RTN2: variants seen among roughly 807,000 people sequenced by gnomAD.
RTN2 encodes reticulon-2.
Under a neutral mutation model 63.7 loss-of-function variants are expected in RTN2, and 36 were observed. That is an observed-to-expected ratio of 0.56 (90% confidence interval 0.43 to 0.75). The LOEUF (loss-of-function observed/expected upper bound fraction) is 0.75, where lower values mean the gene tolerates loss of function less well. Among genes scored for constraint, RTN2 ranks in the 30% least tolerant of loss-of-function variants. The pLI, the probability that RTN2 is intolerant of heterozygous loss-of-function variation, is 0.00. For synonymous variants in RTN2, 312 were observed against 313.0 expected (o/e 1.00, Z 0.03); for missense variants, 673 against 705.1 (o/e 0.95, Z 0.52).
intron 6 of RTN2, 96 bp from the exon 7 acceptor site, chr19:45,489,082 G>T: frequency 1.4e-6 from 2 of 1,388,034 alleles, no homozygotes; most frequent in Non-Finnish European, 9.9e-7. Context: ...GCGGTTGGGA[G>T]AAGACCAGAG....
In RTN2 at chr19:45,497,047, C is replaced by T. The variant is rs1968289657; in HGVS notation, c.-222G>A. 3 of 196,788 alleles carry T rather than the reference C, an allele frequency of 1.5e-5. No homozygotes were observed. The highest frequency in any genetic ancestry group is 1.6e-4 in the South Asian group (1 of 6,098). 12.2% of individuals were successfully genotyped at this position (196,788 alleles called of 1,614,324 possible). The stretch of plus-strand genomic sequence containing the variant: ...CGGGGCCGAGGTGGGGAAGGCACTG[C>T]AGCGCGCGGCCGGGGGCGGGGCCAG... On this transcript the variant is annotated 5_prime_UTR_variant, in exon 1 of 11. Coordinates refer to ENST00000245923, the MANE Select transcript of RTN2 (RefSeq NM_005619.5).
chr19:45,494,288 G>A lies in RTN2; in HGVS notation c.692C>T (p.Pro231Leu). ...TTCCTCTTCCAGCAATGGCTCTTCG[G>A]GCCCAGAGTTCGAATCTCGCGATCG... Reference protein sequence around the residue: ...PSRSRDSNSGPEEPLLEEEEK... With the variant: ...PSRSRDSNSGLEEPLLEEEEK... The change falls in exon 4 of 11, where the codon CCC becomes CTC. Residue 231 changes from proline (P) to leucine (L), a missense_variant. Coordinates refer to ENST00000245923, the MANE Select transcript of RTN2 (RefSeq NM_005619.5). The surrounding 1 kb of genome is among the most constrained non-coding windows in gnomAD (Gnocchi z 5.3). The A allele has an allele frequency of 6.2e-7, 1 of 1,613,986 alleles. No homozygotes were observed. The highest frequency in any genetic ancestry group is 8.5e-7 in the Non-Finnish European group (1 of 1,180,026).
At chr19:45,486,990 C>A (rs1246414416) in intron 9 of RTN2, among the ~76,000 whole-genome samples, 1 of 146,078 alleles carries the variant, frequency 6.8e-6, no homozygotes, top group Non-Finnish European at 1.5e-5. Flanking sequence ...CTGCCTCAGC[C>A]TCCCAAAGCT....
chr19:45,487,381 T>A (rs756446885), intron 9 of RTN2, among the ~76,000 whole-genome samples: 1 of 151,860 alleles, frequency 6.6e-6, no homozygotes, highest in Non-Finnish European at 1.5e-5. Flanking sequence ...TCTTGGTGAT[T>A]CCAGCCTGTG....
In RTN2 at chr19:45,493,337, C is replaced by A; in HGVS notation, c.856G>T (p.Val286Phe). The A allele has an allele frequency of 6.2e-7, 1 of 1,610,082 alleles. No homozygotes were observed. Residue 286 changes from valine (V) to phenylalanine (F), a missense_variant, in exon 5 of 11, where the codon GTT becomes TTT. Val to Phe is a conservative substitution (Grantham distance 50). Transcript: ENST00000245923. ...TCCAAAATTGGAACCGTCTTGTAAA[C>A]AGCCAAAAGCAATGATGTCTTTAAC... ...EWLKTSLLLA[V>F]YKTVPILELS...
chr19:45,487,583 GT>G (rs4031036), intron 9 of RTN2, among the ~76,000 whole-genome samples: 1,292 of 105,716 alleles, frequency 0.012, 5 homozygotes, highest in Non-Finnish European at 0.017. Flanking sequence ...TTATTTTTTG[GT>G]TTTTTTTTTT....
In RTN2 at chr19:45,494,497, C is replaced by A; in HGVS notation, c.559+29G>T. The A allele has an allele frequency of 6.2e-7, 1 of 1,607,942 alleles. No homozygotes were observed. The highest frequency in any genetic ancestry group is 8.5e-7 in the Non-Finnish European group (1 of 1,176,046). On this transcript the variant is annotated intron_variant, in intron 3 of 10. Transcript: ENST00000245923. The surrounding 1 kb of genome is among the most constrained non-coding windows in gnomAD (Gnocchi z 5.3). ...AGGAGAAACCACCCACCCCTCTTGG[C>A]TTTGGTCCCAGCACCTCGGACATCT...
At position 45,488,467 on chromosome 19, in the gene RTN2, T is replaced by C. The variant is rs1443447541; in HGVS notation, c.1497+4A>G. 1 of 1,613,420 alleles carries C rather than the reference T, an allele frequency of 6.2e-7. No individual in the cohort carries two copies. The highest frequency in any genetic ancestry group is 1.1e-5 in the South Asian group (1 of 90,928). ...GTGCTGACAACTGAGGGTGTCACACTCACCTGGTGCTGCCGGTACAGCAGG... is the reference window on the plus strand; with the variant it reads ...GTGCTGACAACTGAGGGTGTCACACCCACCTGGTGCTGCCGGTACAGCAGG... On this transcript the variant is annotated splice_donor_region_variant and intron_variant, in intron 9 of 10. Transcript: ENST00000245923.
Position 45,493,982 on chromosome 19 carries a change from G to C in RTN2, c.814+184C>G. ...TGGGATTACAGGCATGAGCCACCGC[G>C]CCCGGCCGGGGAAATTTTTTTAAAA... On this transcript the variant is annotated intron_variant, in intron 4 of 10. Coordinates refer to ENST00000245923, the MANE Select transcript of RTN2 (RefSeq NM_005619.5). 3 of 952,118 alleles carry C rather than the reference G, an allele frequency of 3.2e-6. 1 individual carries two copies. The highest frequency in any genetic ancestry group is 4.7e-6 in the Non-Finnish European group (3 of 642,624). 59.0% of individuals were successfully genotyped at this position (952,118 alleles called of 1,614,324 possible). A position where few individuals can be genotyped will look rare whatever the true frequency, so the allele number is the denominator to read the frequency against.
In RTN2 at chr19:45,497,027, C is replaced by T; in HGVS notation, c.-202G>A. On this transcript the variant is annotated 5_prime_UTR_variant, in exon 1 of 11. Coordinates refer to ENST00000245923, the MANE Select transcript of RTN2 (RefSeq NM_005619.5). ...CTCGGCTCGGCGGGGGCGGGCGGGG[C>T]CGAGGTGGGGAAGGCACTGCAGCGC... The T allele has an allele frequency of 4.3e-6, 1 of 233,898 alleles. No homozygotes were observed. The highest frequency in any genetic ancestry group is 8.0e-6 in the Non-Finnish European group (1 of 125,600). 14.5% of individuals were successfully genotyped at this position (233,898 alleles called of 1,614,324 possible). A position where few individuals can be genotyped will look rare whatever the true frequency, so the allele number is the denominator to read the frequency against.
intron 4 of RTN2, chr19:45,493,832 C>T: frequency 3.2e-6 from 1 of 315,610 alleles, no homozygotes; most frequent in Middle Eastern, 1.0e-3. Context: ...CAACCTCTGC[C>T]TTCCAGGTTC....
At position 45,493,288 on chromosome 19, in the gene RTN2, G is replaced by C. The variant is rs559427117; in HGVS notation, c.905C>G (p.Ala302Gly). Reference protein sequence around the residue: ...ILELSPPLWTAIGWVQRGPTP... With the variant: ...ILELSPPLWTGIGWVQRGPTP... ...GGGGCCCCTTTGGACCCAGCCAATG[G>C]CTGTCCACAGAGGTGGGGACAATTC... Residue 302 changes from alanine to glycine, a missense_variant, in exon 5 of 11, where the codon GCC becomes GGC. Coordinates refer to ENST00000245923, the MANE Select transcript of RTN2 (RefSeq NM_005619.5). The C allele has an allele frequency of 1.2e-5, 20 of 1,612,698 alleles. No homozygotes were observed. Among genetic ancestry groups the C allele is most frequent in the Non-Finnish European group, 1.7e-5 (20 of 1,179,552 alleles).
intron 9 of RTN2, among the ~76,000 whole-genome samples, chr19:45,486,736 C>CTT (rs1312823863): frequency 7.5e-5 from 9 of 119,314 alleles, no homozygotes; most frequent in South Asian, 5.3e-4. Context: ...TTCTTTCTTT[C>CTT]TTTTTTTTTT....
intron 6 of RTN2, 179 bp downstream of exon 6, chr19:45,489,167 G>T: frequency 1.2e-6 from 1 of 865,018 alleles, no homozygotes; most frequent in South Asian, 1.7e-5. Flanking sequence ...GGAAGGGATC[G>T]AGGATGAAGG....
intron 5 of RTN2, 86 bp downstream of exon 5, chr19:45,493,074 A>C: frequency 7.8e-7 from 1 of 1,278,188 alleles, no homozygotes; most frequent in Non-Finnish European, 1.1e-6. Context: ...AGTAATAAAA[A>C]TGCTCCGGAT....
chr19:45,485,950 A>G, intron 10 of RTN2, 105 bp downstream of exon 10: 1 of 1,295,234 alleles, frequency 7.7e-7, no homozygotes, highest in Non-Finnish European at 1.1e-6. Context: ...CAGCCTTTTC[A>G]AGGGGACATT....
chr19:45,485,890 G>A lies in RTN2; in HGVS notation c.1557-101C>T, dbSNP rs1968010264. The A allele has an allele frequency of 6.6e-6, 8 of 1,207,484 alleles. No individual in the cohort carries two copies. In the South Asian group the frequency reaches 8.7e-5, roughly 13 times the overall value. The allele number at this position is 1,207,484 out of a possible 1,614,324, so 74.8% of individuals were successfully genotyped here. ...TGGGTGGGAAACTGACCAAGAGCCC[G>A]AAGCCAGCTCCTGCCCTCCACCTAG... On this transcript the variant is annotated intron_variant, in intron 10 of 10. Transcript: ENST00000245923.
chr19:45,493,478 G>C (rs1173208934), intron 4 of RTN2, 100 bp from the exon 5 acceptor site: 1 of 876,608 alleles, frequency 1.1e-6, no homozygotes, highest in East Asian at 2.6e-5. Flanking sequence ...TTTTCAAATA[G>C]AGATCGAGTC....
intron 4 of RTN2, chr19:45,493,870 A>T: frequency 2.7e-6 from 1 of 373,320 alleles, no homozygotes; most frequent in Non-Finnish European, 4.9e-6. Flanking sequence ...CAGCCTCCCG[A>T]GTACAGACGG....
Sources: allele counts gnomAD v4.1 joint callset (sites outside exome capture counted in the v4.1 genomes callset), GRCh38; gene constraint gnomAD v4.1.1; non-coding constraint Gnocchi (gnomAD v3.1); transcripts MANE v1.5; gene names NCBI Gene and HGNC (gene_info 2026-07-23, HGNC 2026-07-21).